ESR2: variants seen among roughly 807,000 people sequenced by gnomAD.
ESR2 encodes the protein estrogen receptor beta.
Under a neutral mutation model 49.6 loss-of-function variants are expected in ESR2, and 36 were observed. The ratio of observed to expected loss-of-function variants is 0.73; its 90% CI spans 0.56 to 0.96. ESR2 has a LOEUF of 0.96. Ranked by LOEUF, ESR2 falls within the 40% of genes least tolerant of loss-of-function variation. ESR2 has a pLI of 0.00. For missense variants in ESR2, 714 were observed against 693.0 expected (o/e 1.03, Z -0.34); for synonymous variants, 320 against 266.1 (o/e 1.20, Z -1.97).
upstream of ESR2, among the ~76,000 whole-genome samples, chr14:64,295,998 C>T (rs566001764): frequency 2.1e-5 from 3 of 144,652 alleles, no homozygotes; most frequent in East Asian, 2.0e-4. Context: ...GAGCCAAGAT[C>T]GCGCCACTGC....
chr14:64,294,998 A>G (rs1374843783), upstream of ESR2, among the ~76,000 whole-genome samples: 1 of 152,034 alleles, frequency 6.6e-6, no homozygotes, highest in Admixed American at 6.6e-5. Flanking sequence ...GCACCTGCCC[A>G]CCCCTCTTCT....
intron 4 of ESR2, among the ~76,000 whole-genome samples, chr14:64,268,004 A>G (rs1419077259): frequency 6.6e-6 from 1 of 152,230 alleles, no homozygotes; most frequent in Non-Finnish European, 1.5e-5. Flanking sequence ...TAGCAGAAGA[A>G]TAAGTGCAGG....
Position 64,258,573 on chromosome 14 carries a change from C to T in ESR2, c.953-1209G>A, listed in dbSNP as rs79489572. Among the ~76,000 whole-genome samples, 131 of 152,276 alleles carry T rather than the reference C, an allele frequency of 8.6e-4. 1 individual carries two copies. In the East Asian group the frequency reaches 0.023, roughly 27 times the overall value. ...TGAGAATGTCTTATAGGCAGGATCT[C>T]TTATCATTCTTGTTTTACAGATGAG... On this transcript the variant is annotated intron_variant, in intron 5 of 8. Coordinates refer to ENST00000341099, the MANE Select transcript of ESR2 (RefSeq NM_001437.3).
chr14:64,228,091 A>T, downstream of ESR2: 1 of 1,342,614 alleles, frequency 7.4e-7, no homozygotes, highest in South Asian at 1.9e-5. Context: ...CTGACTAAAG[A>T]TGAAATTGTT....
At chr14:64,335,541 A>G (rs1240194330) in intron 1 of ESR2, among the ~76,000 whole-genome samples, 1 of 152,156 alleles carries the variant, frequency 6.6e-6, no homozygotes, top group Non-Finnish European at 1.5e-5. Flanking sequence ...TCTTCTTTGT[A>G]TAAGGACACT....
chr14:64,326,531 GTTGAT>G (rs1314505385), intron 1 of ESR2, among the ~76,000 whole-genome samples: 1 of 152,112 alleles, frequency 6.6e-6, no homozygotes, highest in East Asian at 1.9e-4. Context: ...GCTCCCAAGA[GTTGAT>G]TATTCATATC....
chr14:64,318,537 C>CAAAAAAAAAAAAAAAAAAAAAAAAAA (rs58597271), intron 1 of ESR2, among the ~76,000 whole-genome samples: 1 of 32,426 alleles, frequency 3.1e-5, no homozygotes, highest in Non-Finnish European at 5.7e-5. Flanking sequence ...AACTCCATCT[C>CAAAAAAAAAAAAAAAAAAAAAAAAAA]AAAAAAAAAA....
chr14:64,329,428 C>T (rs531017343), intron 1 of ESR2: 1 of 152,266 alleles, frequency 6.6e-6, no homozygotes, highest in South Asian at 2.1e-4. Context: ...TCTACTACAA[C>T]AATTCCTGAG....
intron 2 of ESR2, among the ~76,000 whole-genome samples, chr14:64,281,274 T>A (rs902347580): frequency 1.3e-5 from 2 of 152,138 alleles, no homozygotes; most frequent in Non-Finnish European, 2.9e-5. Flanking sequence ...AAAACACATC[T>A]GGCTAGTTCC....
intron 4 of ESR2, among the ~76,000 whole-genome samples, chr14:64,264,898 A>G (rs2076298442): frequency 6.6e-6 from 1 of 152,106 alleles, no homozygotes; most frequent in Non-Finnish European, 1.5e-5. Flanking sequence ...AAGAAAAAAA[A>G]AAAAGCACCT....
intron 1 of ESR2, among the ~76,000 whole-genome samples, chr14:64,314,544 T>C (rs2077228537): frequency 6.7e-6 from 1 of 148,202 alleles, no homozygotes. Context: ...AGGAAAAAAA[T>C]AGAAAAACCA....
chr14:64,257,264 G>A lies in ESR2; in HGVS notation c.1053C>T (p.Pro351=), dbSNP rs747912769. Residue 351 remains proline, a synonymous_variant, in exon 6 of 9, where the codon CCC becomes CCT. Coordinates refer to ENST00000341099, the MANE Select transcript of ESR2 (RefSeq NM_001437.3). Reference sequence around the variant, plus strand: ...GATCTGGAGCAAAGATGAGCTTGCCGGGGTGGTCAATTGAGCGCCACATCA... The same window carrying A: ...GATCTGGAGCAAAGATGAGCTTGCCAGGGTGGTCAATTGAGCGCCACATCA... ...MGLMWRSIDH[P]GKLIFAPDLV... 28 of 1,614,000 alleles carry A rather than the reference G, an allele frequency of 1.7e-5. No homozygotes were observed. Among genetic ancestry groups the A allele is most frequent in the Non-Finnish European group, 2.2e-5 (26 of 1,180,032 alleles).
chr14:64,227,110 T>C (rs957266133), downstream of ESR2: 3 of 171,664 alleles, frequency 1.7e-5, no homozygotes, highest in East Asian at 1.7e-4. Context: ...CCTTTCTTAT[T>C]GGAAGATACT....
chr14:64,300,228 C>T (rs1444041114), intron 1 of ESR2, among the ~76,000 whole-genome samples: 1 of 152,200 alleles, frequency 6.6e-6, no homozygotes, highest in Non-Finnish European at 1.5e-5. Context: ...CATAGGAACA[C>T]AGGTCATCTG....
At chr14:64,288,782 T>C (rs1485035695) in intron 1 of ESR2, among the ~76,000 whole-genome samples, 1 of 150,504 alleles carries the variant, frequency 6.6e-6, no homozygotes, top group Non-Finnish European at 1.5e-5. Context: ...AAATCAGGAG[T>C]TCGGGACCAG....
chr14:64,242,037 G>A (rs1464136852), intron 7 of ESR2, among the ~76,000 whole-genome samples: 1 of 152,184 alleles, frequency 6.6e-6, no homozygotes, highest in Non-Finnish European at 1.5e-5. Flanking sequence ...GATTGAGGAA[G>A]TTTCCTTCTA....
At chr14:64,262,392 G>A (rs2076241817) in intron 4 of ESR2, among the ~76,000 whole-genome samples, 1 of 152,074 alleles carries the variant, frequency 6.6e-6, no homozygotes, top group Non-Finnish European at 1.5e-5. Context: ...TGGGATTACA[G>A]GCATAAGCCA....
At chr14:64,310,286 A>AAAAAAAAAATAAAAAATAATAATAATAAT in intron 1 of ESR2, among the ~76,000 whole-genome samples, 1 of 142,462 alleles carries the variant, frequency 7.0e-6, no homozygotes, top group African/African-American at 2.6e-5. Flanking sequence ...TCGTCTCAAA[A>AAAAAAAAAATAAAAAATAATAATAATAAT]AATAATAATA....
rs766529045 is a variant in ESR2 at position 64,257,330 on chromosome 14, C to T, written c.987G>A (p.Arg329=). ...CCTCCATCCAACAGCTCTCCAAGAG[C>T]CGCACTTGGTCGAACAGGCTGAGCT... ...FVELSLFDQV[R]LLESCWMEVL... is the part of the protein sequence containing the mutation. The change falls in exon 6 of 9, where the codon CGG becomes CGA. Residue 329 remains arginine (R), a synonymous_variant. Transcript: ENST00000341099. 1.9e-6 allele frequency: 3 copies of T among 1,613,634 alleles called. No individual in the cohort carries two copies. The South Asian group carries it at 3.3e-5, about 18-fold the overall frequency.
Sources: gnomAD v4.1 joint callset for allele counts (sites outside exome capture counted in the v4.1 genomes callset) on GRCh38, gnomAD v4.1.1 for gene constraint, MANE v1.5 for transcripts, NCBI Gene and HGNC (gene_info 2026-07-23, HGNC 2026-07-21) for gene names.